NCAM2: variants seen among roughly 807,000 people sequenced by gnomAD.
The protein encoded by NCAM2 is neural cell adhesion molecule 2, also known as N-CAM-2.
A neutral mutation model predicts 98.1 loss-of-function variants in NCAM2; 30 were observed. That is an observed-to-expected ratio of 0.31 (90% CI 0.23 to 0.41). NCAM2 has a LOEUF of 0.41. Among genes scored for constraint, NCAM2 ranks in the 10% least tolerant of loss-of-function variants. The probability of loss-of-function intolerance (pLI) is 1.00; values close to 1 mark genes in which losing one functional copy is unlikely to be tolerated. For missense variants in NCAM2, 867 were observed against 1,005.8 expected (o/e 0.86, Z 1.87); for synonymous variants, 368 against 342.4 (o/e 1.07, Z -0.83).
intron 15 of NCAM2, among the ~76,000 whole-genome samples, chr21:21,503,777 G>A (rs1041308067): frequency 2.0e-5 from 3 of 151,884 alleles, no homozygotes; most frequent in African/African-American, 7.2e-5. Context: ...CATGGGGTTA[G>A]AGAAAATGCA....
intron 14 of NCAM2, 118 bp from the exon 15 acceptor site, chr21:21,477,173 T>A (rs1311426174): frequency 1.5e-6 from 1 of 685,740 alleles, no homozygotes; most frequent in African/African-American, 1.8e-5. Context: ...CCTGTGCCTA[T>A]GAAAATTGTT....
chr21:21,373,528 A>C (rs2070116513), intron 8 of NCAM2, among the ~76,000 whole-genome samples: 2 of 151,838 alleles, frequency 1.3e-5, no homozygotes, highest in Admixed American at 1.3e-4. Context: ...ACGGTATCCA[A>C]ATTGTAAAGT....
At chr21:21,303,405 A>G (rs2073784200) in intron 5 of NCAM2, among the ~76,000 whole-genome samples, 1 of 151,694 alleles carries the variant, frequency 6.6e-6, no homozygotes, top group African/African-American at 2.4e-5. Flanking sequence ...CCCTTTTTTC[A>G]CTCAAAAATT....
At chr21:21,345,412 T>A (rs2075159569) in intron 8 of NCAM2, among the ~76,000 whole-genome samples, 1 of 151,952 alleles carries the variant, frequency 6.6e-6, no homozygotes, top group South Asian at 2.1e-4. Context: ...TTCTATCAGA[T>A]CAATCTAACA....
intron 1 of NCAM2, among the ~76,000 whole-genome samples, chr21:21,253,333 A>G (rs896493405): frequency 1.3e-5 from 2 of 152,174 alleles, no homozygotes; most frequent in Non-Finnish European, 2.9e-5. Context: ...AGTAAGCACT[A>G]CTTATTATGG....
At chr21:21,012,375 GTAAGCCGTCAGTCTGTGGATGACT>G (rs2064227702) in intron 1 of NCAM2, among the ~76,000 whole-genome samples, 1 of 152,058 alleles carries the variant, frequency 6.6e-6, no homozygotes, top group Non-Finnish European at 1.5e-5. Flanking sequence ...CAATAATTTA[GTAAGCCGTCAGTCTGTGGATGACT>G]TACTGAATAT....
intron 5 of NCAM2, among the ~76,000 whole-genome samples, chr21:21,297,796 A>G (rs1008294150): frequency 4.6e-5 from 7 of 151,812 alleles, no homozygotes; most frequent in African/African-American, 1.7e-4. Flanking sequence ...AAATACAGTC[A>G]GTAGAGTGTT....
intron 1 of NCAM2, among the ~76,000 whole-genome samples, chr21:21,026,878 A>G (rs1490422341): frequency 7.9e-6 from 1 of 126,848 alleles, no homozygotes; most frequent in East Asian, 2.2e-4. Context: ...TTTTTTTGAG[A>G]CAGCATCTCA....
chr21:21,280,472 G>T (rs2072888286), intron 1 of NCAM2, 106 bp from the exon 2 acceptor site: 2 of 677,830 alleles, frequency 3.0e-6, no homozygotes, highest in Admixed American at 7.3e-5. Flanking sequence ...TAAAAAATTG[G>T]GGGGAAATAA....
intron 1 of NCAM2, among the ~76,000 whole-genome samples, chr21:21,256,031 G>C (rs907473600): frequency 1.3e-5 from 2 of 152,218 alleles, no homozygotes; most frequent in Admixed American, 6.5e-5. Context: ...GTGTATACTG[G>C]GTTAGGTAGA....
At chr21:21,462,267 A>C (rs1356118492) in intron 12 of NCAM2, among the ~76,000 whole-genome samples, 2 of 152,048 alleles carry the variant, frequency 1.3e-5, no homozygotes, top group Non-Finnish European at 2.9e-5. Flanking sequence ...ATCTGGGGAG[A>C]CTGTAATTGC....
intron 16 of NCAM2, among the ~76,000 whole-genome samples, chr21:21,518,209 T>G (rs1988819840): frequency 6.6e-6 from 1 of 152,164 alleles, no homozygotes; most frequent in African/African-American, 2.4e-5. Context: ...TTTTTCAACT[T>G]TACTAGATTG....
chr21:20,999,810 C>G (rs1387938776), intron 1 of NCAM2, among the ~76,000 whole-genome samples: 2 of 152,196 alleles, frequency 1.3e-5, no homozygotes, highest in African/African-American at 4.8e-5. Context: ...GGTTTCTGCT[C>G]TTCCACAGAG....
intron 1 of NCAM2, among the ~76,000 whole-genome samples, chr21:21,198,184 A>ATGTGTGTG (rs10600265): frequency 8.9e-5 from 13 of 146,348 alleles, no homozygotes; most frequent in African/African-American, 2.8e-4. Flanking sequence ...TGTAAAGTAT[A>ATGTGTGTG]TGTGTGTGTG....
chr21:21,380,201 A>G (rs1451291903), intron 9 of NCAM2, among the ~76,000 whole-genome samples: 2 of 152,150 alleles, frequency 1.3e-5, no homozygotes, highest in Non-Finnish European at 2.9e-5. Flanking sequence ...GACCTTCAGT[A>G]TTAACCATCA....
chr21:21,192,594 A>G (rs1487954754), intron 1 of NCAM2, among the ~76,000 whole-genome samples: 2 of 152,224 alleles, frequency 1.3e-5, no homozygotes, highest in Non-Finnish European at 2.9e-5. Context: ...CAGGGTGCAG[A>G]GAATTGGGAT....
At chr21:21,084,085 G>C (rs1030965717) in intron 1 of NCAM2, among the ~76,000 whole-genome samples, 1 of 152,134 alleles carries the variant, frequency 6.6e-6, no homozygotes, top group African/African-American at 2.4e-5. Context: ...TGTCTGTTGA[G>C]GGCTCACTTC....
At position 21,210,500 on chromosome 21, in the gene NCAM2, C is replaced by G. The variant is rs77354804; in HGVS notation, c.56-70078C>G. Reference sequence around the variant, plus strand: ...CATGAAGTACAAGTAATTAAAAACTCAAAGGGTGTAAGAGACTTAAAGAAC... The same window carrying G: ...CATGAAGTACAAGTAATTAAAAACTGAAAGGGTGTAAGAGACTTAAAGAAC... On this transcript the variant is annotated intron_variant, in intron 1 of 17. Coordinates refer to ENST00000400546, the MANE Select transcript of NCAM2 (RefSeq NM_004540.5). 3.2e-3 allele frequency: 4,031 copies of G among 1,269,044 alleles called. 100 individuals are homozygous for G. In the African/African-American group the frequency reaches 0.055, roughly 17 times the overall value. The allele number at this position is 1,269,044 out of a possible 1,614,324, so 78.6% of individuals were successfully genotyped here.
At chr21:21,413,051 T>C (rs1214257541) in intron 10 of NCAM2, among the ~76,000 whole-genome samples, 1 of 152,200 alleles carries the variant, frequency 6.6e-6, no homozygotes, top group African/African-American at 2.4e-5. Context: ...TAAAATTGTG[T>C]GTTTTAAAAC....
Sources: allele counts gnomAD v4.1 joint callset (sites outside exome capture counted in the v4.1 genomes callset), GRCh38; gene constraint gnomAD v4.1.1; transcripts MANE v1.5; gene names NCBI Gene and HGNC (gene_info 2026-07-23, HGNC 2026-07-21).